The following PTPN13 variants were observed in gnomAD, a reference collection of about 807,000 sequenced individuals.
The protein encoded by PTPN13 is tyrosine-protein phosphatase non-receptor type 13.
PTPN13 carries 191 observed loss-of-function variants against 284.0 expected under a neutral mutation model. The ratio of observed to expected loss-of-function variants is 0.67; its 90% CI spans 0.60 to 0.76. PTPN13 has a LOEUF of 0.76. Among genes scored for constraint, PTPN13 ranks in the 30% least tolerant of loss-of-function variants. The probability of loss-of-function intolerance (pLI) is 0.00; values close to 1 mark genes in which losing one functional copy is unlikely to be tolerated. For synonymous variants in PTPN13, 986 were observed against 1,022.3 expected (o/e 0.96, Z 0.68); for missense variants, 2,797 against 2,939.9 (o/e 0.95, Z 1.12).
At chr4:86,601,590 G>T (rs1764296842) in intron 1 of PTPN13, among the ~76,000 whole-genome samples, 1 of 152,066 alleles carries the variant, frequency 6.6e-6, no homozygotes, top group South Asian at 2.1e-4. Flanking sequence ...CACACTGATT[G>T]TGTGAAGACC....
At chr4:86,619,764 CTTTTTTT>C (rs77101775) in intron 1 of PTPN13, among the ~76,000 whole-genome samples, 5 of 145,962 alleles carry the variant, frequency 3.4e-5, no homozygotes, top group Admixed American at 1.4e-4. Context: ...TTTCTTTTTT[CTTTTTTT>C]TTTTCCCCCA....
chr4:86,718,431 A>G (rs981849504), intron 9 of PTPN13, among the ~76,000 whole-genome samples: 1 of 151,076 alleles, frequency 6.6e-6, no homozygotes, highest in Non-Finnish European at 1.5e-5. Flanking sequence ...TTTACACTAA[A>G]ATTATTCTTT....
At chr4:86,743,289 T>C (rs971971967) in intron 16 of PTPN13, among the ~76,000 whole-genome samples, 1 of 152,198 alleles carries the variant, frequency 6.6e-6, no homozygotes, top group African/African-American at 2.4e-5. Flanking sequence ...CTGGCATTTT[T>C]TGTGTGTGAT....
At chr4:86,800,183 C>A (rs1176501435) in intron 42 of PTPN13, among the ~76,000 whole-genome samples, 1 of 151,948 alleles carries the variant, frequency 6.6e-6, no homozygotes, top group Non-Finnish European at 1.5e-5. Flanking sequence ...CTTTTATGAT[C>A]GGGAATCAAT....
chr4:86,693,923 T>C (rs1036053199), intron 6 of PTPN13, among the ~76,000 whole-genome samples: 2 of 152,084 alleles, frequency 1.3e-5, no homozygotes, highest in African/African-American at 4.8e-5. Flanking sequence ...CCAGTATTGG[T>C]ATATCAATAA....
chr4:86,744,100 C>CT (rs1337959893), intron 16 of PTPN13, among the ~76,000 whole-genome samples: 3 of 152,150 alleles, frequency 2.0e-5, no homozygotes, highest in Non-Finnish European at 4.4e-5. Flanking sequence ...GATTCTCCTA[C>CT]TTTCTCTATA....
intron 15 of PTPN13, among the ~76,000 whole-genome samples, chr4:86,741,200 C>T (rs1235736937): frequency 1.3e-5 from 2 of 152,196 alleles, no homozygotes; most frequent in East Asian, 3.8e-4. Context: ...CAGCCATGCC[C>T]ACTCTACTGG....
At chr4:86,614,565 C>A (rs1720325804) in intron 1 of PTPN13, among the ~76,000 whole-genome samples, 1 of 152,012 alleles carries the variant, frequency 6.6e-6, no homozygotes, top group African/African-American at 2.4e-5. Context: ...ATGCCAAAAA[C>A]CAGTTGGAAT....
intron 1 of PTPN13, among the ~76,000 whole-genome samples, chr4:86,622,758 A>C (rs1377385942): frequency 1.3e-5 from 2 of 152,144 alleles, no homozygotes; most frequent in African/African-American, 4.8e-5. Flanking sequence ...GTACTACTTT[A>C]GAGTCTCATG....
At chr4:86,687,780 CTT>C (rs1729602988) in intron 4 of PTPN13, among the ~76,000 whole-genome samples, 1 of 151,814 alleles carries the variant, frequency 6.6e-6, no homozygotes, top group Admixed American at 6.6e-5. Flanking sequence ...GTCTATAACA[CTT>C]TATGTTCTTT....
chr4:86,664,610 T>A (rs1726859089), intron 2 of PTPN13, among the ~76,000 whole-genome samples: 1 of 152,198 alleles, frequency 6.6e-6, no homozygotes, highest in African/African-American at 2.4e-5. Context: ...CCACTTTTAT[T>A]GTAGAAGAAA....
chr4:86,722,061 T>C (rs1733729552), intron 9 of PTPN13, 151 bp from the exon 10 acceptor site: 2 of 664,590 alleles, frequency 3.0e-6, no homozygotes, highest in Admixed American at 5.4e-5. Flanking sequence ...TATTTCTTCA[T>C]ACCATACTGT....
rs534848972 is a variant in PTPN13 at position 86,742,811 on chromosome 4, A to C, written c.2487+995A>C. Reference sequence around the variant, plus strand: ...GGAAACCTTAGATTGATTAATTATAAATCCAGTTTTGGACCGTTTTGAAAA... The same window carrying C: ...GGAAACCTTAGATTGATTAATTATACATCCAGTTTTGGACCGTTTTGAAAA... On this transcript the variant is annotated intron_variant, in intron 16 of 47. Coordinates refer to ENST00000411767, the MANE Select transcript of PTPN13 (RefSeq NM_080683.3). 4.6e-5 allele frequency among the ~76,000 whole-genome samples: 7 copies of C among 152,308 alleles called. No homozygotes were observed. In the South Asian group the frequency reaches 1.5e-3, roughly 32 times the overall value.
intron 2 of PTPN13, among the ~76,000 whole-genome samples, chr4:86,645,397 CAAAT>C (rs1161641846): frequency 1.3e-5 from 2 of 151,920 alleles, no homozygotes; most frequent in Admixed American, 6.6e-5. Flanking sequence ...TAAAGCAAGA[CAAAT>C]AAAAGGCATC....
At chr4:86,761,986 G>A (rs1191283052) in intron 23 of PTPN13, among the ~76,000 whole-genome samples, 1 of 151,950 alleles carries the variant, frequency 6.6e-6, no homozygotes, top group African/African-American at 2.4e-5. Context: ...TTGTTTGTTT[G>A]TTCTTTGAGA....
chr4:86,688,162 T>C (rs1326100094), intron 4 of PTPN13, among the ~76,000 whole-genome samples: 1 of 152,084 alleles, frequency 6.6e-6, no homozygotes, highest in African/African-American at 2.4e-5. Context: ...GCATCTAAGC[T>C]AACACCTAAA....
rs532193931 is a variant in PTPN13, at chr4:86,804,207, C to A, written c.6654+350C>A. 2.6e-5 allele frequency among the ~76,000 whole-genome samples: 4 copies of A among 151,478 alleles called. No homozygotes were observed. The South Asian group carries it at 8.4e-4, about 32-fold the overall frequency. The stretch of plus-strand genomic sequence containing the variant: ...TATTGTAGACGTGTTTCATCATTAA[C>A]AGAAGGTTCTAATTTAATACAGCTC... On this transcript the variant is annotated intron_variant, in intron 43 of 47. Transcript: ENST00000411767.
At chr4:86,618,203 T>C (rs1438270256) in intron 1 of PTPN13, among the ~76,000 whole-genome samples, 6 of 152,238 alleles carry the variant, frequency 3.9e-5, no homozygotes, top group African/African-American at 1.4e-4. Flanking sequence ...CCATTTCTTG[T>C]TTTTGTCAGG....
In PTPN13 at chr4:86,780,415, G is replaced by A; in HGVS notation, c.5905G>A (p.Val1969Met). Residue 1969 changes from valine (V) to methionine (M), a missense_variant, in exon 36 of 48, where the codon GTG becomes ATG. Coordinates refer to ENST00000411767, the MANE Select transcript of PTPN13 (RefSeq NM_080683.3). ...TTTACAACACAGAAATGATCTTCCA[G>A]TGGTCCCCAGCTCAAAGAGGTCTGC... ...VLKATRNDLPVVPSSKRSAVS... is the reference protein window; with the variant it reads ...VLKATRNDLPMVPSSKRSAVS... The A allele has an allele frequency of 6.2e-7, 1 of 1,610,598 alleles. No homozygotes were observed.
Sources: allele counts gnomAD v4.1 joint callset (sites outside exome capture counted in the v4.1 genomes callset), GRCh38; gene constraint gnomAD v4.1.1; transcripts MANE v1.5; gene names NCBI Gene and HGNC (gene_info 2026-07-23, HGNC 2026-07-21).